The following TBC1D9 variants were observed in gnomAD, a reference collection of about 807,000 sequenced individuals.
TBC1D9 encodes the protein TBC1 domain family member 9, also known as TBC1 domain family member 9A.
Under a neutral mutation model 132.0 loss-of-function variants are expected in TBC1D9, and 63 were observed. The ratio of observed to expected loss-of-function variants is 0.48; its 90% CI spans 0.39 to 0.59. The LOEUF is 0.59. Among genes scored for constraint, TBC1D9 ranks in the 20% least tolerant of loss-of-function variants. The probability of loss-of-function intolerance (pLI) is 0.00; values close to 1 mark genes in which losing one functional copy is unlikely to be tolerated. For missense variants in TBC1D9, 1,261 were observed against 1,592.7 expected (o/e 0.79, Z 3.54); for synonymous variants, 610 against 609.9 (o/e 1.00, Z 0.00).
At chr4:140,691,084 C>G (rs1737872236) in intron 2 of TBC1D9, among the ~76,000 whole-genome samples, 1 of 152,174 alleles carries the variant, frequency 6.6e-6, no homozygotes, top group South Asian at 2.1e-4. Context: ...GGTGTTCCAG[C>G]TCCAGGTTCT....
chr4:140,660,120 T>C (rs1380344620), intron 10 of TBC1D9, among the ~76,000 whole-genome samples: 2 of 152,234 alleles, frequency 1.3e-5, no homozygotes, highest in African/African-American at 2.4e-5. Context: ...CTTTCCGTAA[T>C]GGTTTCTATA....
intron 1 of TBC1D9, among the ~76,000 whole-genome samples, chr4:140,726,202 T>C (rs1738498695): frequency 6.6e-6 from 1 of 151,814 alleles, no homozygotes; most frequent in Non-Finnish European, 1.5e-5. Context: ...GGCAGGAGAA[T>C]CAATCAAACC....
chr4:140,657,603 G>A lies in TBC1D9; in HGVS notation c.2131C>T (p.Leu711=). 6.2e-7 allele frequency: 1 copy of A among 1,613,996 alleles called. No individual in the cohort carries two copies. Among genetic ancestry groups the A allele is most frequent in the Non-Finnish European group, 8.5e-7 (1 of 1,179,892 alleles). The change falls in exon 12 of 21, where the codon CTA becomes TTA. Residue 711 remains leucine (L), a synonymous_variant. Transcript: ENST00000442267. ...EGIKVIFQLA[L]AVLDANVDKL... is the part of the protein sequence containing the mutation. The stretch of plus-strand genomic sequence containing the variant: ...TCCACATTTGCATCCAGCACAGCTA[G>A]GGCCAACTGGAATATCACTTTAATT...
In TBC1D9 at chr4:140,677,070, A is replaced by G; in HGVS notation, c.883T>C (p.Tyr295His). ...TTGGGCAGCCGGAAAAGTGCACGGT[A>G]TCTCTCACTCTTTGCCCTGGCATCA... The part of the protein sequence containing the change: ...DLDARAKSER[Y>H]RALFRLPKDE... The change falls in exon 6 of 21, where the codon TAC becomes CAC. Residue 295 changes from tyrosine (Y) to histidine (H), a missense_variant. Around this residue, in one of 3 missense-constraint regions of TBC1D9, gnomAD observed 550 missense variants for 699.0 expected, o/e 0.79. Coordinates refer to ENST00000442267, the MANE Select transcript of TBC1D9 (RefSeq NM_015130.3). The G allele has an allele frequency of 6.2e-7, 1 of 1,613,908 alleles. No homozygotes were observed.
chr4:140,702,511 G>T (rs1218997020), intron 1 of TBC1D9, among the ~76,000 whole-genome samples: 1 of 152,148 alleles, frequency 6.6e-6, no homozygotes. Context: ...CCCGGCTGAG[G>T]CACTCCAGCC....
At chr4:140,710,584 T>C (rs999097675) in intron 1 of TBC1D9, among the ~76,000 whole-genome samples, 1 of 152,162 alleles carries the variant, frequency 6.6e-6, no homozygotes, top group Admixed American at 6.5e-5. Flanking sequence ...ATCCAATTAG[T>C]ATGTGCTGCT....
intron 1 of TBC1D9, among the ~76,000 whole-genome samples, chr4:140,724,553 C>T (rs1263321463): frequency 6.6e-6 from 1 of 151,600 alleles, no homozygotes; most frequent in Admixed American, 6.6e-5. Flanking sequence ...ACTCACAATC[C>T]CAAAGCCATG....
intron 1 of TBC1D9, among the ~76,000 whole-genome samples, chr4:140,745,416 A>C (rs1403802671): frequency 6.6e-6 from 1 of 152,180 alleles, no homozygotes; most frequent in Non-Finnish European, 1.5e-5. Context: ...ATCTACTCAC[A>C]CAGGGATTTT....
At chr4:140,643,264 CGCTCA>C in intron 13 of TBC1D9, 1 of 1,304,536 alleles carries the variant, frequency 7.7e-7, no homozygotes, top group Non-Finnish European at 1.1e-6. Flanking sequence ...TCTGCGATCT[CGCTCA>C]GCAGGGTGAT....
intron 1 of TBC1D9, among the ~76,000 whole-genome samples, chr4:140,736,921 C>T (rs546379886): frequency 2.0e-5 from 3 of 152,316 alleles, no homozygotes; most frequent in South Asian, 4.2e-4. Context: ...CTTGTCAGAA[C>T]TGCATGCTCT....
At chr4:140,632,680 G>A (rs1427651997) in intron 16 of TBC1D9, among the ~76,000 whole-genome samples, 2 of 152,268 alleles carry the variant, frequency 1.3e-5, no homozygotes, top group Non-Finnish European at 2.9e-5. Flanking sequence ...ATAGTAGCAA[G>A]CAGGTAGGTA....
chr4:140,717,574 C>A (rs1279138426), intron 1 of TBC1D9, among the ~76,000 whole-genome samples: 11 of 152,194 alleles, frequency 7.2e-5, no homozygotes, highest in Non-Finnish European at 1.5e-4. Context: ...CCTTCACTTT[C>A]AGCTGAAAAT....
intron 1 of TBC1D9, among the ~76,000 whole-genome samples, chr4:140,710,112 C>T (rs1738218852): frequency 6.6e-6 from 1 of 152,162 alleles, no homozygotes; most frequent in Admixed American, 6.5e-5. Context: ...AATTCTATAA[C>T]TCTCATTTGG....
At chr4:140,677,258 C>A (rs1164090503) in intron 5 of TBC1D9, among the ~76,000 whole-genome samples, 157 bp from the exon 6 acceptor site, 1 of 152,164 alleles carries the variant, frequency 6.6e-6, no homozygotes, top group East Asian at 1.9e-4. Flanking sequence ...TTAACCCCAA[C>A]CTAATGACCC....
chr4:140,746,919 C>T (rs1166935377), intron 1 of TBC1D9, among the ~76,000 whole-genome samples: 5 of 152,234 alleles, frequency 3.3e-5, no homozygotes, highest in African/African-American at 7.2e-5. Context: ...ATAATCCTAG[C>T]ACTTTGGGAG....
At chr4:140,698,879 C>A (rs1578846099) in intron 2 of TBC1D9, among the ~76,000 whole-genome samples, 1 of 152,182 alleles carries the variant, frequency 6.6e-6, no homozygotes, top group South Asian at 2.1e-4. Flanking sequence ...CTGCAGGAGG[C>A]TAGCCTATAT....
In TBC1D9 at chr4:140,698,546, G is replaced by A. The variant is rs148626738; in HGVS notation, c.241+2958C>T. Among the ~76,000 whole-genome samples the A allele has an allele frequency of 4.4e-3, 667 of 152,230 alleles. 4 individuals are homozygous for A. The highest frequency in any genetic ancestry group is 0.015 in the African/African-American group (622 of 41,538). On this transcript the variant is annotated intron_variant, in intron 2 of 20. Transcript: ENST00000442267. ...GGGCGGATCATGAGATCAGGAGTTC[G>A]AGACCAGCCTGACCAACATGGTAAA...
In TBC1D9 at chr4:140,622,242, G is replaced by A. The variant is rs1290760501; in HGVS notation, c.3754C>T (p.Pro1252Ser). Reference sequence around the variant, plus strand: ...TCATAGTCACTGGCCGAGGTGAGGGGCTTGCCCATCATCCGGATGTTTTTT... The same window carrying A: ...TCATAGTCACTGGCCGAGGTGAGGGACTTGCCCATCATCCGGATGTTTTTT... ...SAKNIRMMGK[P>S]LTSASDYEIS... Residue 1252 changes from proline (P) to serine (S), a missense_variant, in exon 21 of 21, where the codon CCC becomes TCC. Around this residue, in one of 3 missense-constraint regions of TBC1D9, gnomAD observed 618 missense variants for 724.4 expected, o/e 0.85. Transcript: ENST00000442267. 1.2e-6 allele frequency: 2 copies of A among 1,600,784 alleles called. No individual in the cohort carries two copies. Among genetic ancestry groups the A allele is most frequent in the African/African-American group, 1.3e-5 (1 of 74,722 alleles).
At chr4:140,734,057 G>A (rs949535745) in intron 1 of TBC1D9, among the ~76,000 whole-genome samples, 3 of 152,056 alleles carry the variant, frequency 2.0e-5, no homozygotes, top group Non-Finnish European at 2.9e-5. Context: ...CGAGCTGATG[G>A]CCACTTTGTA....
Sources: gnomAD v4.1 joint callset for allele counts (sites outside exome capture counted in the v4.1 genomes callset) on GRCh38, gnomAD v4.1.1 for gene constraint, gnomAD v4.1.1 regional missense constraint, MANE v1.5 for transcripts, NCBI Gene and HGNC (gene_info 2026-07-23, HGNC 2026-07-21) for gene names.